CMIP: variants seen among roughly 807,000 people sequenced by gnomAD.
CMIP encodes the protein C-Maf-inducing protein.
Under a neutral mutation model 97.3 loss-of-function variants are expected in CMIP, and 13 were observed. The ratio of observed to expected loss-of-function variants is 0.13; its 90% confidence interval spans 0.09 to 0.21. The LOEUF is 0.21. Among genes scored for constraint, CMIP ranks in the 10% least tolerant of loss-of-function variants. CMIP has a pLI of 1.00. For synonymous variants in CMIP, 538 were observed against 436.3 expected, an observed-to-expected ratio of 1.23 and a Z score of -2.91; for missense variants, 847 against 1,024.9, an observed-to-expected ratio of 0.83 and a Z score of 2.37.
chr16:81,493,213 C>T (rs780025872), intron 1 of CMIP, among the ~76,000 whole-genome samples: 14 of 152,104 alleles, frequency 9.2e-5, no homozygotes, highest in African/African-American at 3.1e-4. Flanking sequence ...GCCACCACAC[C>T]GAATTCTCCT....
chr16:81,703,867 A>C (rs1292880262), intron 17 of CMIP, 72 bp from the exon 18 acceptor site: 1 of 1,510,858 alleles, frequency 6.6e-7, no homozygotes, highest in African/African-American at 1.4e-5. Context: ...GGAGGAGGAT[A>C]GGGGATAGGA....
At chr16:81,535,140 C>T (rs779874483) in intron 1 of CMIP, among the ~76,000 whole-genome samples, 21 of 152,104 alleles carry the variant, frequency 1.4e-4, no homozygotes, top group African/African-American at 2.4e-4. Context: ...TTAGTAGAGA[C>T]GGGGTTTCAC....
chr16:81,461,709 A>G (rs771482672), intron 1 of CMIP, among the ~76,000 whole-genome samples: 1 of 152,206 alleles, frequency 6.6e-6, no homozygotes, highest in Non-Finnish European at 1.5e-5. Flanking sequence ...TGTGGTATAG[A>G]GGAAAGCACC....
chr16:81,549,491 C>T (rs1469988561), intron 1 of CMIP, among the ~76,000 whole-genome samples: 2 of 151,976 alleles, frequency 1.3e-5, no homozygotes, highest in African/African-American at 2.4e-5. Flanking sequence ...GTACGTGCCC[C>T]AGGAAACTGT....
At chr16:81,506,940 G>C (rs1357508021) in intron 1 of CMIP, among the ~76,000 whole-genome samples, 1 of 147,868 alleles carries the variant, frequency 6.8e-6, no homozygotes, top group Non-Finnish European at 1.5e-5. Context: ...TCAAAGCCTT[G>C]TTCCTGAATG....
Position 81,701,689 on chromosome 16 carries a change from C to T in CMIP, c.1785C>T (p.Ile595=), listed in dbSNP as rs749147629. 6.2e-6 allele frequency: 10 copies of T among 1,613,798 alleles called. No individual in the cohort carries two copies. The highest frequency in any genetic ancestry group is 1.3e-5 in the African/African-American group (1 of 74,938). ...EILCLMLEYN[I]IDNNDTQLQI... is the part of the protein sequence containing the mutation. Reference sequence around the variant, plus strand: ...TGTGCTTGATGCTGGAATACAACATCATCGACAACAACGACACCCAACTGC... The same window carrying T: ...TGTGCTTGATGCTGGAATACAACATTATCGACAACAACGACACCCAACTGC... Residue 595 remains isoleucine (I), a synonymous_variant, in exon 16 of 21, where the codon ATC becomes ATT. Coordinates refer to ENST00000537098, the MANE Select transcript of CMIP (RefSeq NM_198390.3).
At chr16:81,448,655 G>A (rs1000902760) in intron 1 of CMIP, among the ~76,000 whole-genome samples, 4 of 152,240 alleles carry the variant, frequency 2.6e-5, no homozygotes, top group East Asian at 1.9e-4. Context: ...AGCCAACAGC[G>A]TGCCTAATGT....
At chr16:81,588,894 C>A (rs536853046) in intron 1 of CMIP, among the ~76,000 whole-genome samples, 2 of 152,066 alleles carry the variant, frequency 1.3e-5, no homozygotes, top group South Asian at 2.1e-4. Flanking sequence ...ATGAGGAGAC[C>A]GAGGTTCATA....
At chr16:81,670,624 G>C (rs115739243) in intron 8 of CMIP, among the ~76,000 whole-genome samples, 30 of 134,148 alleles carry the variant, frequency 2.2e-4, no homozygotes, top group South Asian at 7.1e-4. Flanking sequence ...TTTTTTTGGG[G>C]GGGGGGGGGG....
At chr16:81,544,508 T>C (rs2090507798) in intron 1 of CMIP, among the ~76,000 whole-genome samples, 1 of 151,782 alleles carries the variant, frequency 6.6e-6, no homozygotes. Context: ...CCGCTGACCT[T>C]CCCGGCCTCT....
intron 4 of CMIP, among the ~76,000 whole-genome samples, chr16:81,657,494 A>G (rs1462374950): frequency 2.6e-5 from 4 of 152,308 alleles, no homozygotes; most frequent in Admixed American, 6.5e-5. Flanking sequence ...CGAAGCAGGA[A>G]CTGAGTCTCC....
At position 81,652,504 on chromosome 16, in the gene CMIP, C is replaced by G; in HGVS notation, c.639+140C>G. The G allele has an allele frequency of 1.4e-6, 1 of 718,556 alleles. No individual in the cohort carries two copies. The highest frequency in any genetic ancestry group is 1.9e-5 in the South Asian group (1 of 53,246). The allele number at this position is 718,556 out of a possible 1,614,324, so 44.5% of individuals were successfully genotyped here. Reference sequence around the variant, plus strand: ...TGCTGCCGAAGGAGGTGAGCAGTTGCCCACCCAGCCGTGTGTGGGAGTTGG... The same window carrying G: ...TGCTGCCGAAGGAGGTGAGCAGTTGGCCACCCAGCCGTGTGTGGGAGTTGG... On this transcript the variant is annotated intron_variant, in intron 4 of 20. Coordinates refer to ENST00000537098, the MANE Select transcript of CMIP (RefSeq NM_198390.3). This position sits in a 1 kb window ranked among gnomAD's most constrained non-coding sequence, Gnocchi z 5.2.
Position 81,678,549 on chromosome 16 carries a change from G to C in CMIP, c.1309G>C (p.Ala437Pro). ...NLIDCLMVSP[A>P]CSTMSIELGP... ...CATCGACTGCCTCATGGTCAGCCCC[G>C]CCTGCAGCACCATGAGCATCGAGCT... Residue 437 changes from alanine (A) to proline (P), a missense_variant, in exon 10 of 21, where the codon GCC (alanine) becomes CCC (proline). Around this residue, in one of 4 missense-constraint regions of CMIP, gnomAD observed 202 missense variants for 168.7 expected, o/e 1.20. Coordinates refer to ENST00000537098, the MANE Select transcript of CMIP (RefSeq NM_198390.3). 6.2e-7 allele frequency: 1 copy of C among 1,608,384 alleles called. No homozygotes were observed. The highest frequency in any genetic ancestry group is 8.5e-7 in the Non-Finnish European group (1 of 1,178,350).
chr16:81,706,128 C>G (rs1230433581), intron 19 of CMIP, among the ~76,000 whole-genome samples: 2 of 152,240 alleles, frequency 1.3e-5, no homozygotes, highest in Non-Finnish European at 2.9e-5. Flanking sequence ...AGGCCAGTTC[C>G]TGTGTGCCAA....
At chr16:81,704,366 T>C (rs1407728359) in intron 18 of CMIP, among the ~76,000 whole-genome samples, 1 of 2,142 alleles carries the variant, frequency 4.7e-4, no homozygotes, top group Non-Finnish European at 8.0e-4. Flanking sequence ...CCCCCCTTAC[T>C]CTCCTCCCTG....
At chr16:81,536,186 A>G (rs983216709) in intron 1 of CMIP, among the ~76,000 whole-genome samples, 42 of 152,210 alleles carry the variant, frequency 2.8e-4, no homozygotes, top group Admixed American at 7.9e-4. Context: ...AAATTTCACG[A>G]GGAGAGGCTT....
chr16:81,550,555 G>T (rs2090632783), intron 1 of CMIP, among the ~76,000 whole-genome samples: 1 of 152,198 alleles, frequency 6.6e-6, no homozygotes, highest in African/African-American at 2.4e-5. Context: ...GAATGTCTAT[G>T]TGGCTTCCAC....
intron 1 of CMIP, among the ~76,000 whole-genome samples, chr16:81,525,166 T>C (rs2873430): frequency 0.54 from 81,418 of 151,800 alleles, 23,343 homozygotes; most frequent in Non-Finnish European, 0.63. Flanking sequence ...TTTCTTGAGA[T>C]GGAGTCTTGC....
chr16:81,608,165 T>G (rs546704909), intron 2 of CMIP, among the ~76,000 whole-genome samples: 32 of 152,320 alleles, frequency 2.1e-4, no homozygotes, highest in African/African-American at 7.5e-4. Context: ...GGAAAAAAAG[T>G]GCATTCTGTA....
Sources: allele counts gnomAD v4.1 joint callset (sites outside exome capture counted in the v4.1 genomes callset), GRCh38; gene constraint gnomAD v4.1.1; regional missense constraint gnomAD v4.1.1; non-coding constraint Gnocchi (gnomAD v3.1); transcripts MANE v1.5; gene names NCBI Gene and HGNC (gene_info 2026-07-23, HGNC 2026-07-21).